The following EPHX1 variants were observed in gnomAD, a reference collection of about 807,000 sequenced individuals.
The protein encoded by EPHX1 is epoxide hydrolase 1.
A neutral mutation model predicts 43.2 loss-of-function variants in EPHX1; 40 were observed. The ratio of observed to expected loss-of-function variants is 0.93; its 90% CI spans 0.72 to 1.21. The LOEUF (loss-of-function observed/expected upper bound fraction) is 1.21. Among genes scored for constraint, EPHX1 ranks in the 50% most tolerant of loss-of-function variants. The pLI is 0.00. For missense variants in EPHX1, 550 were observed against 570.4 expected (o/e 0.96, Z 0.36); for synonymous variants, 221 against 226.7 (o/e 0.98, Z 0.22).
At chr1:225,811,135 C>A (rs569510563) in intron 1 of EPHX1, among the ~76,000 whole-genome samples, 1 of 152,122 alleles carries the variant, frequency 6.6e-6, no homozygotes, top group African/African-American at 2.4e-5. Context: ...TAGTTGAAGC[C>A]AGGGAATGTG....
chr1:225,837,231 A>G (rs984475857), intron 3 of EPHX1, among the ~76,000 whole-genome samples: 1 of 152,258 alleles, frequency 6.6e-6, no homozygotes, highest in Non-Finnish European at 1.5e-5. Context: ...AGTTTTCTAC[A>G]GTAAACATGT....
rs755104822 is a variant in EPHX1, at chr1:225,842,360, C to T, written c.932-6C>T. The T allele has an allele frequency of 1.7e-5, 28 of 1,604,150 alleles. No homozygotes were observed. The highest frequency in any genetic ancestry group is 4.0e-5 in the African/African-American group (3 of 74,692). ...AGTCTCTCCCTTGCTCCCCGCTCCC[C>T]GCCAGGCTCTGCTCTGAATGACTCT... is the stretch of plus-strand genomic sequence containing the variant. On this transcript the variant is annotated splice_polypyrimidine_tract_variant and splice_region_variant and intron_variant, in intron 6 of 8. Coordinates refer to ENST00000272167, the MANE Select transcript of EPHX1 (RefSeq NM_001136018.4).
At chr1:225,823,213 T>G (rs964609369) in intron 1 of EPHX1, among the ~76,000 whole-genome samples, 4 of 148,320 alleles carry the variant, frequency 2.7e-5, no homozygotes, top group Non-Finnish European at 4.5e-5. Flanking sequence ...TTTTTTTTTT[T>G]TAAGATGAGG....
At chr1:225,831,672 C>T (rs576606242) in intron 2 of EPHX1, 107 bp from the exon 3 acceptor site, 64 of 1,092,188 alleles carry the variant, frequency 5.9e-5, no homozygotes, top group Middle Eastern at 5.8e-4. Flanking sequence ...TCCCAGAGGG[C>T]AGTATCTTGT....
chr1:225,819,577 C>T (rs1356483585), intron 1 of EPHX1, among the ~76,000 whole-genome samples: 1 of 152,036 alleles, frequency 6.6e-6, no homozygotes, highest in Non-Finnish European at 1.5e-5. Context: ...GCTGCCAGAA[C>T]TTACTGATAT....
intron 3 of EPHX1, among the ~76,000 whole-genome samples, chr1:225,833,925 C>G (rs1470923594): frequency 1.4e-5 from 2 of 145,852 alleles, no homozygotes; most frequent in East Asian, 2.1e-4. Flanking sequence ...GGTGAAACCC[C>G]GTCTCTACTA....
intron 7 of EPHX1, among the ~76,000 whole-genome samples, chr1:225,843,136 G>C (rs1668570933): frequency 6.6e-6 from 1 of 152,358 alleles, no homozygotes; most frequent in Admixed American, 6.5e-5. Flanking sequence ...ACAATGCCGG[G>C]TGAACAGTGG....
chr1:225,819,941 T>G (rs1366869632), intron 1 of EPHX1, among the ~76,000 whole-genome samples: 1 of 152,198 alleles, frequency 6.6e-6, no homozygotes, highest in Non-Finnish European at 1.5e-5. Context: ...GCTAGCAGTC[T>G]GCCTCAACAT....
chr1:225,813,304 C>A (rs900916781), intron 1 of EPHX1, among the ~76,000 whole-genome samples: 1 of 152,176 alleles, frequency 6.6e-6, no homozygotes, highest in Non-Finnish European at 1.5e-5. Flanking sequence ...CCCAGCCCAG[C>A]TGGCCCCCTG....
chr1:225,841,080 C>T (rs1291815572), intron 6 of EPHX1: 1 of 152,216 alleles, frequency 6.6e-6, no homozygotes, highest in African/African-American at 2.4e-5. Context: ...TGAAGTACGT[C>T]CATATCACCA....
intron 1 of EPHX1, among the ~76,000 whole-genome samples, chr1:225,818,162 A>G (rs926308990): frequency 3.9e-5 from 6 of 152,162 alleles, no homozygotes; most frequent in African/African-American, 7.2e-5. Flanking sequence ...GGTTATATTT[A>G]TTATTCCTCA....
chr1:225,836,236 A>C (rs1182454349), intron 3 of EPHX1, among the ~76,000 whole-genome samples: 1 of 152,118 alleles, frequency 6.6e-6, no homozygotes, highest in Non-Finnish European at 1.5e-5. Flanking sequence ...TCAGGGGAAA[A>C]ACTGAGGAAA....
At chr1:225,829,893 G>A (rs12563243) in intron 2 of EPHX1, among the ~76,000 whole-genome samples, 41,711 of 151,910 alleles carry the variant, frequency 0.27, 5,858 homozygotes, top group Middle Eastern at 0.32. Context: ...GGCCAACATC[G>A]TGAAACCCCG....
intron 3 of EPHX1, among the ~76,000 whole-genome samples, chr1:225,834,112 G>GGA (rs1667815509): frequency 9.5e-6 from 1 of 105,790 alleles, no homozygotes; most frequent in Admixed American, 1.1e-4. Context: ...AAAAAAAAAA[G>GGA]AAAAAAAAAA....
intron 7 of EPHX1, among the ~76,000 whole-genome samples, chr1:225,843,214 C>CTT (rs78000212): frequency 6.6e-6 from 1 of 151,784 alleles, no homozygotes; most frequent in Non-Finnish European, 1.5e-5. Flanking sequence ...AAGGAGGATT[C>CTT]TTTGTCTAAG....
Position 225,844,626 on chromosome 1 carries a change from G to A in EPHX1, c.1166+3G>A. 1 of 1,613,884 alleles carries A rather than the reference G, an allele frequency of 6.2e-7. No individual in the cohort carries two copies. The highest frequency in any genetic ancestry group is 8.5e-7 in the Non-Finnish European group (1 of 1,179,996). On this transcript the variant is annotated splice_donor_region_variant and intron_variant, in intron 8 of 8. Transcript: ENST00000272167. ...TGGATGACCCAGAAGCATGAGCGGT[G>A]AGCCTGGCTGAGCCGAGAACAGGGG... is the stretch of plus-strand genomic sequence containing the variant.
intron 3 of EPHX1, among the ~76,000 whole-genome samples, chr1:225,837,528 A>G (rs539634776): frequency 6.6e-6 from 1 of 152,262 alleles, no homozygotes; most frequent in East Asian, 1.9e-4. Context: ...ATTTTATTTT[A>G]ATTTTTTGAG....
At chr1:225,834,384 A>G (rs1667843171) in intron 3 of EPHX1, among the ~76,000 whole-genome samples, 1 of 152,068 alleles carries the variant, frequency 6.6e-6, no homozygotes. Context: ...CAGCCTGGCA[A>G]CAGAGCAAGA....
chr1:225,822,831 G>A (rs1667034725), intron 1 of EPHX1, among the ~76,000 whole-genome samples: 1 of 152,198 alleles, frequency 6.6e-6, no homozygotes, highest in Non-Finnish European at 1.5e-5. Context: ...CCTTGGTGAA[G>A]GCACATGGAG....
Sources: gnomAD v4.1 joint callset for allele counts (sites outside exome capture counted in the v4.1 genomes callset) on GRCh38, gnomAD v4.1.1 for gene constraint, MANE v1.5 for transcripts, NCBI Gene and HGNC (gene_info 2026-07-23, HGNC 2026-07-21) for gene names.